Variants in JMJD1C observed in about 807,000 individuals in gnomAD.
JMJD1C encodes the protein jumonji domain containing 1C, also known as jumonji domain-containing protein 1C.
In JMJD1C, 31 loss-of-function variants were observed where a neutral mutation model predicts 245.3. The ratio of observed to expected loss-of-function variants is 0.13; its 90% confidence interval spans 0.09 to 0.17. The LOEUF is 0.17. JMJD1C is among the 10% of genes least tolerant of loss of function. The pLI, the probability that JMJD1C is intolerant of heterozygous loss-of-function variation, is 1.00. For synonymous variants in JMJD1C, 1,057 were observed against 1,017.4 expected, an observed-to-expected ratio of 1.04 and a Z score of -0.74; for missense variants, 2,691 against 3,000.2, an observed-to-expected ratio of 0.90 and a Z score of 2.41.
At chr10:63,250,694 A>G (rs544746455) in intron 3 of JMJD1C, among the ~76,000 whole-genome samples, 1 of 152,316 alleles carries the variant, frequency 6.6e-6, no homozygotes, top group South Asian at 2.1e-4. Flanking sequence ...TGAGAGAAAC[A>G]GTTAGAAACT....
intron 1 of JMJD1C, among the ~76,000 whole-genome samples, chr10:63,481,469 C>A (rs1157938328): frequency 1.5e-4 from 23 of 151,370 alleles, no homozygotes; most frequent in Admixed American, 1.5e-3. Flanking sequence ...AAAATATGAG[C>A]AGTAATCACA....
intron 2 of JMJD1C, among the ~76,000 whole-genome samples, chr10:63,320,327 G>A (rs977965932): frequency 6.6e-6 from 1 of 151,426 alleles, no homozygotes; most frequent in Non-Finnish European, 1.5e-5. Flanking sequence ...TTCATCATTT[G>A]TCTAATCTAG....
chr10:63,350,707 C>T (rs2134285539), intron 2 of JMJD1C, among the ~76,000 whole-genome samples: 1 of 151,862 alleles, frequency 6.6e-6, no homozygotes, highest in East Asian at 1.9e-4. Context: ...AGCTCTGCCT[C>T]CCGGTTTCAT....
At chr10:63,336,415 A>G (rs1029443565) in intron 2 of JMJD1C, among the ~76,000 whole-genome samples, 5 of 152,066 alleles carry the variant, frequency 3.3e-5, no homozygotes, top group Non-Finnish European at 7.4e-5. Flanking sequence ...CCAAGATTGC[A>G]CTACTGAACT....
intron 2 of JMJD1C, among the ~76,000 whole-genome samples, chr10:63,311,955 T>C (rs759504082): frequency 6.6e-6 from 1 of 152,210 alleles, no homozygotes; most frequent in Admixed American, 6.5e-5. Flanking sequence ...TTCTTCTGAT[T>C]TTGAGAAAAC....
intron 1 of JMJD1C, among the ~76,000 whole-genome samples, chr10:63,431,989 C>T (rs969175337): frequency 6.6e-6 from 1 of 152,014 alleles, no homozygotes; most frequent in African/African-American, 2.4e-5. Context: ...TCCAGCCTGG[C>T]GACAGAGCAA....
At chr10:63,172,103 A>G (rs1223342588) in intron 24 of JMJD1C, among the ~76,000 whole-genome samples, 1 of 152,226 alleles carries the variant, frequency 6.6e-6, no homozygotes, top group Non-Finnish European at 1.5e-5. Flanking sequence ...TGTAGCAAAG[A>G]AGTTAGATCT....
At chr10:63,457,880 C>T (rs1367435826) in intron 1 of JMJD1C, among the ~76,000 whole-genome samples, 7 of 152,170 alleles carry the variant, frequency 4.6e-5, no homozygotes, top group Admixed American at 4.6e-4. Flanking sequence ...CAGCAGTATG[C>T]ATAGTTTTGT....
At chr10:63,284,018 CTTT>C (rs546311723) in intron 2 of JMJD1C, among the ~76,000 whole-genome samples, 81 of 144,756 alleles carry the variant, frequency 5.6e-4, no homozygotes, top group African/African-American at 2.0e-3. Flanking sequence ...TTCTTTTCTT[CTTT>C]TTTTTTTTGT....
intron 1 of JMJD1C, among the ~76,000 whole-genome samples, chr10:63,511,028 T>C (rs1954857395): frequency 6.6e-6 from 1 of 152,252 alleles, no homozygotes; most frequent in African/African-American, 2.4e-5. Flanking sequence ...GCATGATATA[T>C]CTTTCTCCAT....
At chr10:63,284,685 T>C (rs151135034) in intron 2 of JMJD1C, among the ~76,000 whole-genome samples, 50 of 152,206 alleles carry the variant, frequency 3.3e-4, no homozygotes, top group African/African-American at 1.1e-3. Flanking sequence ...ATATTTAACA[T>C]TGAAATAAAT....
intron 1 of JMJD1C, among the ~76,000 whole-genome samples, chr10:63,513,342 A>G (rs1954926015): frequency 6.6e-6 from 1 of 152,176 alleles, no homozygotes; most frequent in East Asian, 1.9e-4. Context: ...TAAGACCTCA[A>G]ACTATAAGAA....
chr10:63,196,131 T>C (rs1845428950), intron 13 of JMJD1C, among the ~76,000 whole-genome samples: 1 of 151,550 alleles, frequency 6.6e-6, no homozygotes. Context: ...TGGTGGCACA[T>C]GCCTGTAATC....
intron 3 of JMJD1C, among the ~76,000 whole-genome samples, chr10:63,225,712 G>C (rs1224849974): frequency 6.6e-6 from 1 of 151,578 alleles, no homozygotes; most frequent in Non-Finnish European, 1.5e-5. Flanking sequence ...CCGGGAGGTA[G>C]AGGATGCAGT....
intron 1 of JMJD1C, among the ~76,000 whole-genome samples, chr10:63,408,695 T>C (rs1337051427): frequency 3.3e-5 from 5 of 151,484 alleles, no homozygotes; most frequent in African/African-American, 1.2e-4. Flanking sequence ...CCATCAAGTA[T>C]ATCCTAAATG....
intron 8 of JMJD1C, among the ~76,000 whole-genome samples, chr10:63,211,603 A>G (rs544937195): frequency 6.6e-6 from 1 of 152,184 alleles, no homozygotes; most frequent in Non-Finnish European, 1.5e-5. Context: ...TACTGGCATC[A>G]CTAATGTTAT....
chr10:63,519,669 G>A (rs1373351803), intron 1 of JMJD1C, among the ~76,000 whole-genome samples: 1 of 152,212 alleles, frequency 6.6e-6, no homozygotes, highest in East Asian at 1.9e-4. Flanking sequence ...TGTCTTCATG[G>A]CACAGGCCAC....
At chr10:63,481,518 G>C (rs1183025859) in intron 1 of JMJD1C, among the ~76,000 whole-genome samples, 2 of 151,140 alleles carry the variant, frequency 1.3e-5, no homozygotes, top group African/African-American at 4.9e-5. Flanking sequence ...CTGTGGCTTT[G>C]AGACTTCACT....
At chr10:63,222,779 T>C in intron 3 of JMJD1C, 7 of 1,474,498 alleles carry the variant, frequency 4.7e-6, no homozygotes, top group Non-Finnish European at 6.6e-6. Flanking sequence ...TTTGGAAGTT[T>C]TGAAGTCAAT....
Sources: allele counts gnomAD v4.1 joint callset (sites outside exome capture counted in the v4.1 genomes callset), GRCh38; gene constraint gnomAD v4.1.1; transcripts MANE v1.5; gene names NCBI Gene and HGNC (gene_info 2026-07-23, HGNC 2026-07-21).